Variants in TET3 observed in about 807,000 individuals in gnomAD.
TET3 encodes methylcytosine dioxygenase TET3.
A neutral mutation model predicts 141.4 loss-of-function variants in TET3; 19 were observed. The observed-to-expected ratio is 0.13, with a 90% CI of 0.09 to 0.20. The LOEUF is 0.20. Among genes scored for constraint, TET3 ranks in the 10% least tolerant of loss-of-function variants. The pLI, the probability that TET3 is intolerant of heterozygous loss-of-function variation, is 1.00. For missense variants in TET3, 1,874 were observed against 2,356.9 expected, an observed-to-expected ratio of 0.80 and a Z score of 4.24; for synonymous variants, 1,043 against 980.9, an observed-to-expected ratio of 1.06 and a Z score of -1.18.
intron 4 of TET3, among the ~76,000 whole-genome samples, chr2:74,070,094 A>C (rs796468598): frequency 6.6e-6 from 1 of 152,190 alleles, no homozygotes; most frequent in East Asian, 1.9e-4. Flanking sequence ...CTGTGTATGG[A>C]TCTCTAAGCA....
intron 5 of TET3, among the ~76,000 whole-genome samples, chr2:74,075,447 G>C (rs1689451671): frequency 6.9e-6 from 1 of 145,612 alleles, no homozygotes; most frequent in Non-Finnish European, 1.5e-5. Context: ...TCCTGTCTCA[G>C]TCTCCCGAGT....
intron 3 of TET3, among the ~76,000 whole-genome samples, chr2:74,025,327 T>C (rs1386515940): frequency 7.3e-5 from 11 of 150,348 alleles, no homozygotes; most frequent in Middle Eastern, 3.4e-3. Context: ...CTCGCTCTGT[T>C]GCCCAGGCTG....
chr2:74,041,194 T>C (rs1573764065), intron 3 of TET3, among the ~76,000 whole-genome samples: 2 of 152,240 alleles, frequency 1.3e-5, no homozygotes, highest in African/African-American at 4.8e-5. Flanking sequence ...CTTCCCTAGA[T>C]GGAACCTAAG....
intron 2 of TET3, among the ~76,000 whole-genome samples, chr2:74,002,383 TC>T (rs1558700272): frequency 8.7e-6 from 1 of 115,556 alleles, no homozygotes; most frequent in Non-Finnish European, 1.8e-5. Flanking sequence ...CCCCCCGGCG[TC>T]TGCTCCGCTC....
At chr2:74,108,757 TCTTCCTC>T (rs1166353739), downstream of TET3, among the ~76,000 whole-genome samples, 1 of 152,218 alleles carries the variant, frequency 6.6e-6, no homozygotes, top group African/African-American at 2.4e-5. Context: ...ATCTGCTTGC[TCTTCCTC>T]CTTCCTCCTG....
chr2:74,017,316 A>G (rs1383304516), intron 3 of TET3, among the ~76,000 whole-genome samples: 1 of 152,184 alleles, frequency 6.6e-6, no homozygotes, highest in Non-Finnish European at 1.5e-5. Context: ...CTATGGTGCT[A>G]TAGAACACCG....
intron 2 of TET3, among the ~76,000 whole-genome samples, chr2:73,998,147 G>A (rs1199599120): frequency 2.0e-5 from 3 of 152,184 alleles, no homozygotes; most frequent in Admixed American, 6.5e-5. Context: ...CAGACGCTTT[G>A]TGTTAATTCC....
intron 3 of TET3, among the ~76,000 whole-genome samples, chr2:74,034,788 G>A (rs1686941263): frequency 6.6e-6 from 1 of 152,118 alleles, no homozygotes; most frequent in Non-Finnish European, 1.5e-5. Flanking sequence ...TTTCCTAGGA[G>A]TCGGATTGCT....
At chr2:73,999,727 G>A (rs559368146) in intron 2 of TET3, among the ~76,000 whole-genome samples, 6 of 152,194 alleles carry the variant, frequency 3.9e-5, no homozygotes, top group Non-Finnish European at 8.8e-5. Context: ...ACCTGTGAGT[G>A]ATCGCTGTGA....
Position 74,101,382 on chromosome 2 carries a change from G to A in TET3, c.4594G>A (p.Glu1532Lys). Reference protein sequence around the residue: ...TSALAGPSLTEKPWALGAGDF... With the variant: ...TSALAGPSLTKKPWALGAGDF... ...GGCCTTGGCTGGGCCCAGCCTGACT[G>A]AGAAGCCGTGGGCGCTGGGGGCAGG... Residue 1532 changes from glutamate to lysine, a missense_variant, in exon 12 of 12, where the codon GAG becomes AAG. Transcript: ENST00000409262. The surrounding 1 kb of genome is among the most constrained non-coding windows in gnomAD (Gnocchi z 8.5). 1 of 1,613,958 alleles carries A rather than the reference G, an allele frequency of 6.2e-7. No individual in the cohort carries two copies. Among genetic ancestry groups the A allele is most frequent in the Non-Finnish European group, 8.5e-7 (1 of 1,179,890 alleles).
intron 2 of TET3, among the ~76,000 whole-genome samples, chr2:74,000,789 C>T: frequency 6.6e-6 from 1 of 152,148 alleles, no homozygotes. Flanking sequence ...GAAGTCCTTC[C>T]GTTGCCCTGT....
intron 5 of TET3, among the ~76,000 whole-genome samples, chr2:74,079,172 C>T (rs1689670126): frequency 6.6e-6 from 1 of 152,168 alleles, no homozygotes; most frequent in African/African-American, 2.4e-5. Context: ...CATGGTGAAA[C>T]CCTGTCCTTA....
In TET3 at chr2:74,107,525, CTTTT is replaced by C. The variant is rs907304740; in HGVS notation, c.*5354_*5357del. The C allele has an allele frequency of 6.6e-6, 1 of 151,894 alleles. No individual in the cohort carries two copies. Among genetic ancestry groups the C allele is most frequent in the African/African-American group, 2.4e-5 (1 of 41,328 alleles). The allele number at this position is 151,894 out of a possible 1,614,324, so 9.4% of individuals were successfully genotyped here. On this transcript the variant is annotated 3_prime_UTR_variant, in exon 12 of 12. Transcript: ENST00000409262. ...TCCAAATTTTCTTGGTTTCAATACCCTTTTTTTTCTTTTGAGGGGAAAAGAGGGG... is the reference window on the plus strand; with the variant it reads ...TCCAAATTTTCTTGGTTTCAATACCCTTTTCTTTTGAGGGGAAAAGAGGGG...
intron 4 of TET3, among the ~76,000 whole-genome samples, chr2:74,063,967 A>T (rs186792137): frequency 1.3e-3 from 200 of 152,300 alleles, no homozygotes; most frequent in African/African-American, 4.6e-3. Context: ...CTTACCAAAA[A>T]AAGTGCTGTT....
At position 74,101,567 on chromosome 2, in the gene TET3, T is replaced by A; in HGVS notation, c.4779T>A (p.Phe1593Leu). The A allele has an allele frequency of 6.2e-7, 1 of 1,609,018 alleles. No homozygotes were observed. The highest frequency in any genetic ancestry group is 8.5e-7 in the Non-Finnish European group (1 of 1,177,502). The change falls in exon 12 of 12, where the codon TTT becomes TTA. Residue 1593 changes from phenylalanine to leucine, a missense_variant. Around this residue, in one of 10 missense-constraint regions of TET3, gnomAD observed 602 missense variants for 590.2 expected, o/e 1.02. Transcript: ENST00000409262. The surrounding 1 kb of genome is among the most constrained non-coding windows in gnomAD (Gnocchi z 8.5). ...CCCTGGGATCCAGCGAGAAGCTGTTTGGGGCTCTGAAGTCAGAGGAGAAGC... is the reference window on the plus strand; with the variant it reads ...CCCTGGGATCCAGCGAGAAGCTGTTAGGGGCTCTGAAGTCAGAGGAGAAGC... ...GLPLGSSEKL[F>L]GALKSEEKLW...
chr2:74,023,297 C>T (rs1246244931), intron 3 of TET3, among the ~76,000 whole-genome samples: 1 of 152,138 alleles, frequency 6.6e-6, no homozygotes, highest in African/African-American at 2.4e-5. Flanking sequence ...TGGAGTGCAG[C>T]GGTGCTGCGA....
At chr2:74,051,672 T>C (rs1687950842) in intron 4 of TET3, among the ~76,000 whole-genome samples, 1 of 152,228 alleles carries the variant, frequency 6.6e-6, no homozygotes, top group Admixed American at 6.5e-5. Flanking sequence ...CCCTGCCAAG[T>C]ACTTAATAGT....
chr2:74,011,239 A>C (rs1230871221), intron 3 of TET3, among the ~76,000 whole-genome samples: 1 of 152,044 alleles, frequency 6.6e-6, no homozygotes, highest in Non-Finnish European at 1.5e-5. Context: ...AAAAAAAAAA[A>C]AAAAAAACAC....
chr2:74,116,575 C>G, the TET3 span, among the ~76,000 whole-genome samples: 1 of 151,458 alleles, frequency 6.6e-6, no homozygotes, highest in African/African-American at 2.4e-5. Context: ...GTCCCAGCTA[C>G]TCGGCAGGCT....
Sources: allele counts gnomAD v4.1 joint callset (sites outside exome capture counted in the v4.1 genomes callset), GRCh38; gene constraint gnomAD v4.1.1; regional missense constraint gnomAD v4.1.1; non-coding constraint Gnocchi (gnomAD v3.1); transcripts MANE v1.5; gene names NCBI Gene and HGNC (gene_info 2026-07-23, HGNC 2026-07-21).